FOXP2: variants seen among roughly 807,000 people sequenced by gnomAD.
The protein encoded by FOXP2 is forkhead box P2, also known as forkhead box protein P2.
A neutral mutation model predicts 115.8 loss-of-function variants in FOXP2; 12 were observed. That is an observed-to-expected ratio of 0.10 (90% CI 0.07 to 0.17). The LOEUF is 0.17. FOXP2 is among the 10% of genes least tolerant of loss of function. The probability of loss-of-function intolerance (pLI) is 1.00; values close to 1 mark genes in which losing one functional copy is unlikely to be tolerated. For synonymous variants in FOXP2, 328 were observed against 297.7 expected (o/e 1.10, Z -1.05); for missense variants, 629 against 843.5 (o/e 0.75, Z 3.15).
chr7:114,376,798 A>G (rs1403155972), intron 2 of FOXP2, among the ~76,000 whole-genome samples: 1 of 152,202 alleles, frequency 6.6e-6, no homozygotes, highest in Non-Finnish European at 1.5e-5. Context: ...CATATTTAGA[A>G]AACTGTCAAA....
At chr7:114,612,086 G>A (rs1803659691) in intron 3 of FOXP2, among the ~76,000 whole-genome samples, 1 of 152,040 alleles carries the variant, frequency 6.6e-6, no homozygotes, top group African/African-American at 2.4e-5. Context: ...CTAGAGATGA[G>A]ACTATATATA....
At chr7:114,494,821 A>G (rs1797236825) in intron 2 of FOXP2, among the ~76,000 whole-genome samples, 1 of 152,164 alleles carries the variant, frequency 6.6e-6, no homozygotes, top group Admixed American at 6.6e-5. Flanking sequence ...ATGTTGCTAT[A>G]TTTCTATAAA....
At chr7:114,238,519 T>A (rs922261690) in intron 1 of FOXP2, among the ~76,000 whole-genome samples, 2 of 152,160 alleles carry the variant, frequency 1.3e-5, no homozygotes, top group African/African-American at 2.4e-5. Context: ...ACGCCTGCAG[T>A]CCCAAAGATT....
intron 1 of FOXP2, among the ~76,000 whole-genome samples, chr7:114,228,714 A>C (rs1391771905): frequency 6.6e-6 from 1 of 151,714 alleles, no homozygotes; most frequent in Non-Finnish European, 1.5e-5. Flanking sequence ...GTTGCATGTA[A>C]ACTCCATGGT....
chr7:114,304,412 C>A (rs957274727), intron 2 of FOXP2, among the ~76,000 whole-genome samples: 2 of 151,742 alleles, frequency 1.3e-5, no homozygotes, highest in African/African-American at 4.8e-5. Context: ...TGACTCATGC[C>A]TGTAATTCCA....
chr7:114,512,309 C>A (rs370079612), intron 2 of FOXP2, among the ~76,000 whole-genome samples: 3 of 152,192 alleles, frequency 2.0e-5, no homozygotes, highest in Non-Finnish European at 4.4e-5. Context: ...TACATACAAT[C>A]ATTTCTATGC....
intron 11 of FOXP2, 105 bp downstream of exon 11, chr7:114,658,372 T>C: frequency 1.7e-6 from 2 of 1,144,336 alleles, no homozygotes; most frequent in Non-Finnish European, 2.6e-6. Flanking sequence ...ACTCATGTCA[T>C]GATTTATGGA....
intron 2 of FOXP2, among the ~76,000 whole-genome samples, chr7:114,526,347 C>T (rs1037654605): frequency 2.0e-5 from 3 of 149,390 alleles, no homozygotes; most frequent in South Asian, 2.1e-4. Flanking sequence ...CGTGGAGGCA[C>T]GCGCCTGTAA....
At chr7:114,522,721 G>A (rs1798682336) in intron 2 of FOXP2, among the ~76,000 whole-genome samples, 1 of 152,004 alleles carries the variant, frequency 6.6e-6, no homozygotes, top group East Asian at 1.9e-4. Flanking sequence ...CCATTAGTTT[G>A]TATCTTATTT....
At chr7:114,632,664 T>C (rs1804984870) in intron 6 of FOXP2, among the ~76,000 whole-genome samples, 1 of 152,204 alleles carries the variant, frequency 6.6e-6, no homozygotes, top group South Asian at 2.1e-4. Flanking sequence ...ATGTTCTCTC[T>C]TTTTATTTAT....
rs376294008 is a variant in FOXP2 at position 114,371,108 on chromosome 7, A to T, written c.-10-55394A>T. 2.4e-4 allele frequency among the ~76,000 whole-genome samples: 37 copies of T among 152,070 alleles called. No homozygotes were observed. In the East Asian group the frequency reaches 4.8e-3, roughly 20 times the overall value. ...AATACTCCTTTTTATTTATTTATTTATTTTTTTGAGATAAGGCCTCTTTTG... is the reference window on the plus strand; with the variant it reads ...AATACTCCTTTTTATTTATTTATTTTTTTTTTTGAGATAAGGCCTCTTTTG... On this transcript the variant is annotated intron_variant, in intron 2 of 17. Coordinates refer to the FOXP2 transcript ENST00000634411.
At position 114,538,952 on chromosome 7, in the gene FOXP2, A is replaced by T. The variant is rs577458157; in HGVS notation, c.258+4246A>T. 2.6e-4 allele frequency among the ~76,000 whole-genome samples: 40 copies of T among 152,022 alleles called. 1 individual carries two copies. In the South Asian group the frequency reaches 8.1e-3, roughly 31 times the overall value. On this transcript the variant is annotated intron_variant, in intron 3 of 16. Transcript: ENST00000350908. ...GCTTTGTTTTGTTTCATGCCTTGAA[A>T]TATTATAAATTGAATTTATGAGAAA...
At chr7:114,135,154 C>A (rs1792006028) in intron 1 of FOXP2, among the ~76,000 whole-genome samples, 1 of 152,174 alleles carries the variant, frequency 6.6e-6, no homozygotes, top group Admixed American at 6.5e-5. Flanking sequence ...ATCCCTTTAG[C>A]AATATGGAAA....
chr7:114,097,385 A>G (rs1249663977), intron 1 of FOXP2, among the ~76,000 whole-genome samples: 2 of 152,192 alleles, frequency 1.3e-5, no homozygotes, highest in African/African-American at 4.8e-5. Flanking sequence ...GTCATAAGGT[A>G]GGTAGCTTTT....
At chr7:114,603,261 G>A (rs1803131227) in intron 3 of FOXP2, among the ~76,000 whole-genome samples, 1 of 152,100 alleles carries the variant, frequency 6.6e-6, no homozygotes, top group African/African-American at 2.4e-5. Context: ...ACCAAAGAAA[G>A]ATACCCTTTC....
intron 2 of FOXP2, among the ~76,000 whole-genome samples, chr7:114,334,915 TTATATATATAGAAATCTATATATA>T (rs1584645076): frequency 7.5e-6 from 1 of 133,080 alleles, no homozygotes; most frequent in Non-Finnish European, 1.6e-5. Context: ...TATATATATT[TTATATATATAGAAATCTATATATA>T]TATATATATA....
intron 2 of FOXP2, among the ~76,000 whole-genome samples, chr7:114,305,704 A>G (rs1796997203): frequency 6.6e-6 from 1 of 152,116 alleles, no homozygotes; most frequent in South Asian, 2.1e-4. Flanking sequence ...CCTAGTTCTG[A>G]TGTAATATCA....
intron 2 of FOXP2, among the ~76,000 whole-genome samples, chr7:114,440,204 T>G (rs1340222025): frequency 6.6e-6 from 1 of 152,140 alleles, no homozygotes. Context: ...TAAGACAGAC[T>G]CAAGCTTCTG....
chr7:114,390,695 C>T (rs1792574282), intron 2 of FOXP2, among the ~76,000 whole-genome samples: 1 of 151,994 alleles, frequency 6.6e-6, no homozygotes, highest in African/African-American at 2.4e-5. Flanking sequence ...GCTGGGACTA[C>T]AGCTGCCTAT....
Sources: allele counts gnomAD v4.1 joint callset (sites outside exome capture counted in the v4.1 genomes callset), GRCh38; gene constraint gnomAD v4.1.1; transcripts MANE v1.5; gene names NCBI Gene and HGNC (gene_info 2026-07-23, HGNC 2026-07-21).